SUCLA2: variants seen among roughly 807,000 people sequenced by gnomAD.
SUCLA2 encodes succinate--CoA ligase [ADP-forming] subunit beta, mitochondrial.
A neutral mutation model predicts 54.8 loss-of-function variants in SUCLA2; 30 were observed. The observed-to-expected ratio is 0.55, with a 90% confidence interval of 0.41 to 0.74. The LOEUF is 0.74. Ranked by LOEUF, SUCLA2 falls within the 30% of genes least tolerant of loss-of-function variation. The probability of loss-of-function intolerance (pLI) is 0.00; values close to 1 mark genes in which losing one functional copy is unlikely to be tolerated. For synonymous variants in SUCLA2, 172 were observed against 188.9 expected (o/e 0.91, Z 0.74); for missense variants, 476 against 562.9 (o/e 0.85, Z 1.56).
intron 10 of SUCLA2, among the ~76,000 whole-genome samples, chr13:47,947,062 A>C (rs778456222): frequency 6.6e-6 from 1 of 152,218 alleles, no homozygotes; most frequent in Non-Finnish European, 1.5e-5. Context: ...CAAGAAACGT[A>C]AAGATGAGCC....
At chr13:47,972,748 C>CT (rs1204256460) in intron 5 of SUCLA2, among the ~76,000 whole-genome samples, 8,199 of 118,646 alleles carry the variant, frequency 0.069, 496 homozygotes, top group African/African-American at 0.082. Flanking sequence ...TATAGTGACT[C>CT]TTTTTTTTTT....
chr13:47,959,512 AGGAGGAG>A (rs1949850549), intron 6 of SUCLA2, among the ~76,000 whole-genome samples: 2 of 125,326 alleles, frequency 1.6e-5, no homozygotes, highest in African/African-American at 3.1e-5. Flanking sequence ...GGGGAGGAGG[AGGAGGAG>A]GAGGAGGAGG....
Position 47,954,427 on chromosome 13 carries a change from G to A in SUCLA2, c.933C>T (p.Tyr311=), listed in dbSNP as rs771080411. 1.9e-6 allele frequency: 3 copies of A among 1,613,922 alleles called. No individual in the cohort carries two copies. Among genetic ancestry groups the A allele is most frequent in the Admixed American group, 1.7e-5 (1 of 59,988 alleles). The change falls in exon 7 of 11, where the codon TAC becomes TAT. Residue 311 remains tyrosine (Y), a synonymous_variant. Coordinates refer to ENST00000646932, the MANE Select transcript of SUCLA2 (RefSeq NM_003850.3). The stretch of plus-strand genomic sequence containing the variant: ...AGCCTATATTTCCATCGAGGCCAAT[G>A]TAGTTGAGATTTGCCTTAGCAGCAT... ...DKDAAKANLN[Y]IGLDGNIGCL...
intron 4 of SUCLA2, among the ~76,000 whole-genome samples, chr13:47,982,596 TCTCCTTCCTTCCTCTCTCC>T (rs922708647): frequency 3.9e-5 from 6 of 152,066 alleles, no homozygotes; most frequent in Non-Finnish European, 7.4e-5. Flanking sequence ...AAATTAACAT[TCTCCTTCCTTCCTCTCTCC>T]CTCCTTCCTT....
intron 10 of SUCLA2, among the ~76,000 whole-genome samples, chr13:47,946,095 CATT>C (rs1949729358): frequency 6.6e-6 from 1 of 152,226 alleles, no homozygotes; most frequent in East Asian, 1.9e-4. Context: ...TTTATCATCT[CATT>C]ATCACCACAA....
chr13:47,961,287 G>C (rs757221566), intron 6 of SUCLA2, among the ~76,000 whole-genome samples: 17 of 152,108 alleles, frequency 1.1e-4, no homozygotes, highest in African/African-American at 7.2e-5. Context: ...ATGGAGTGGG[G>C]GGGGCCAGAC....
chr13:47,978,440 G>A (rs1442726456), intron 4 of SUCLA2, among the ~76,000 whole-genome samples: 2 of 152,202 alleles, frequency 1.3e-5, no homozygotes, highest in African/African-American at 4.8e-5. Context: ...AATAAATGGT[G>A]TTGGGAAAAC....
intron 6 of SUCLA2, among the ~76,000 whole-genome samples, chr13:47,965,368 C>G (rs993316301): frequency 1.3e-5 from 2 of 151,614 alleles, no homozygotes; most frequent in Non-Finnish European, 2.9e-5. Context: ...ATTATCAATA[C>G]TGGAACAAAC....
intron 6 of SUCLA2, among the ~76,000 whole-genome samples, chr13:47,966,195 G>A (rs1949916984): frequency 1.3e-5 from 2 of 152,148 alleles, no homozygotes; most frequent in Non-Finnish European, 2.9e-5. Flanking sequence ...ATAAAACACA[G>A]GGTGAAATGT....
chr13:47,949,056 GT>G (rs775704901), intron 9 of SUCLA2, 28 bp from the exon 10 acceptor site: 2 of 1,599,328 alleles, frequency 1.3e-6, no homozygotes, highest in East Asian at 2.2e-5. Context: ...AAATATAAAT[GT>G]TTTAAATACA....
intron 2 of SUCLA2, among the ~76,000 whole-genome samples, chr13:47,991,292 C>T (rs1279338037): frequency 2.6e-5 from 4 of 152,214 alleles, no homozygotes; most frequent in Non-Finnish European, 5.9e-5. Context: ...CTCCTGGTTG[C>T]TCACTCTGTT....
intron 2 of SUCLA2, among the ~76,000 whole-genome samples, chr13:47,995,971 A>G (rs1216733773): frequency 6.6e-6 from 1 of 152,172 alleles, no homozygotes; most frequent in Admixed American, 6.5e-5. Context: ...GTATTTATTG[A>G]TTACCTAAGT....
intron 5 of SUCLA2, 152 bp downstream of exon 5, chr13:47,973,112 A>T: frequency 3.0e-6 from 2 of 675,380 alleles, no homozygotes; most frequent in Non-Finnish European, 2.5e-6. Context: ...ATTGTAAATA[A>T]TTCCAAAATG....
intron 4 of SUCLA2, among the ~76,000 whole-genome samples, chr13:47,973,685 C>T (rs1206080127): frequency 6.6e-6 from 1 of 152,094 alleles, no homozygotes; most frequent in Non-Finnish European, 1.5e-5. Context: ...AACTTGGAAC[C>T]AACCCAAATG....
intron 6 of SUCLA2, among the ~76,000 whole-genome samples, chr13:47,966,809 G>A (rs752059559): frequency 6.6e-5 from 10 of 151,620 alleles, no homozygotes; most frequent in African/African-American, 2.4e-4. Flanking sequence ...GAGTACATGC[G>A]TTGGATGAGC....
intron 2 of SUCLA2, among the ~76,000 whole-genome samples, chr13:47,995,196 T>A (rs1012545496): frequency 1.3e-5 from 2 of 151,660 alleles, no homozygotes; most frequent in African/African-American, 2.4e-5. Flanking sequence ...CTAAAAAAAA[T>A]TTTTTTTTGG....
At chr13:47,986,837 G>A (rs1179703666) in intron 4 of SUCLA2, among the ~76,000 whole-genome samples, 1 of 152,138 alleles carries the variant, frequency 6.6e-6, no homozygotes, top group African/African-American at 2.4e-5. Context: ...AATTTCTAAT[G>A]ATTAGTTAAT....
At chr13:47,999,820 G>A (rs1293906376) in intron 1 of SUCLA2, among the ~76,000 whole-genome samples, 1 of 152,054 alleles carries the variant, frequency 6.6e-6, no homozygotes, top group Non-Finnish European at 1.5e-5. Flanking sequence ...GCAAAGGGTT[G>A]GACTAAGGTC....
At chr13:48,001,054 G>C (rs549795998) in intron 1 of SUCLA2, 126 bp downstream of exon 1, 2 of 1,512,330 alleles carry the variant, frequency 1.3e-6, no homozygotes, top group East Asian at 5.0e-5. Flanking sequence ...GTCGCCCGAG[G>C]GCCTTGCAGG....
Sources: allele counts gnomAD v4.1 joint callset (sites outside exome capture counted in the v4.1 genomes callset), GRCh38; gene constraint gnomAD v4.1.1; transcripts MANE v1.5; gene names NCBI Gene and HGNC (gene_info 2026-07-23, HGNC 2026-07-21).